The following CENPP variants were observed in gnomAD, a reference collection of about 807,000 sequenced individuals.
The protein encoded by CENPP is centromere protein P.
In CENPP, 24 loss-of-function variants were observed where a neutral mutation model predicts 35.6. The ratio of observed to expected loss-of-function variants is 0.67; its 90% CI spans 0.49 to 0.95. The LOEUF (loss-of-function observed/expected upper bound fraction) is 0.95. Among genes scored for constraint, CENPP ranks in the 40% least tolerant of loss-of-function variants. CENPP has a pLI of 0.00. For missense variants in CENPP, 332 were observed against 345.3 expected (o/e 0.96, Z 0.31); for synonymous variants, 120 against 125.5 (o/e 0.96, Z 0.29).
intron 5 of CENPP, among the ~76,000 whole-genome samples, chr9:92,547,755 T>C (rs1288462996): frequency 2.6e-5 from 4 of 152,228 alleles, no homozygotes; most frequent in Non-Finnish European, 5.9e-5. Context: ...ACTAGGAATA[T>C]ACTAAAAACC....
chr9:92,365,199 G>A (rs1255649213), intron 4 of CENPP, among the ~76,000 whole-genome samples: 1 of 152,064 alleles, frequency 6.6e-6, no homozygotes, highest in Admixed American at 6.6e-5. Context: ...GATAAGTGGT[G>A]GGGAGAAAAT....
intron 5 of CENPP, among the ~76,000 whole-genome samples, chr9:92,609,213 T>TGGTGCTGCGATGCACCC (rs1437333714): frequency 9.9e-5 from 15 of 152,258 alleles, no homozygotes; most frequent in Non-Finnish European, 2.2e-4. Context: ...CAGGTGCAGC[T>TGGTGCTGCGATGCACCC]GGTGCTGCGA....
chr9:92,492,204 G>C (rs1225885269), intron 5 of CENPP, among the ~76,000 whole-genome samples: 1 of 152,090 alleles, frequency 6.6e-6, no homozygotes, highest in Non-Finnish European at 1.5e-5. Context: ...CAAAAATTTG[G>C]GGTTTTATCC....
intron 5 of CENPP, among the ~76,000 whole-genome samples, chr9:92,603,462 G>A (rs184401483): frequency 2.6e-5 from 4 of 152,248 alleles, no homozygotes; most frequent in South Asian, 2.1e-4. Context: ...AGTCTTGTGC[G>A]TGGAGAGCAG....
chr9:92,578,212 G>T (rs1283330551), intron 5 of CENPP, among the ~76,000 whole-genome samples: 1 of 151,980 alleles, frequency 6.6e-6, no homozygotes, highest in Non-Finnish European at 1.5e-5. Context: ...TTGGGCATTT[G>T]GGTTGGTTCC....
At chr9:92,568,875 A>C (rs990549359) in intron 5 of CENPP, among the ~76,000 whole-genome samples, 2 of 152,256 alleles carry the variant, frequency 1.3e-5, no homozygotes, top group Non-Finnish European at 2.9e-5. Context: ...TGGCTGCATA[A>C]ATGTCTTCTT....
chr9:92,355,977 A>T (rs900858653), intron 4 of CENPP, among the ~76,000 whole-genome samples: 1 of 152,260 alleles, frequency 6.6e-6, no homozygotes, highest in African/African-American at 2.4e-5. Context: ...CTACAGAAAT[A>T]TTAAAATTGA....
chr9:92,470,731 G>A (rs1845480005), intron 5 of CENPP: 1 of 1,598,672 alleles, frequency 6.3e-7, no homozygotes, highest in African/African-American at 1.3e-5. Flanking sequence ...TTGTTTTGAA[G>A]ATCAAGCATT....
chr9:92,488,314 A>T (rs1409304788), intron 5 of CENPP, among the ~76,000 whole-genome samples: 1 of 152,226 alleles, frequency 6.6e-6, no homozygotes, highest in Non-Finnish European at 1.5e-5. Flanking sequence ...GCCTTAAATT[A>T]ACTTTAACTC....
chr9:92,562,972 A>C (rs1028721851), intron 5 of CENPP, among the ~76,000 whole-genome samples: 1 of 152,126 alleles, frequency 6.6e-6, no homozygotes, highest in Non-Finnish European at 1.5e-5. Context: ...TTCCATTAGA[A>C]TCTTTTAGTG....
intron 4 of CENPP, among the ~76,000 whole-genome samples, chr9:92,371,254 A>T (rs1414523135): frequency 6.6e-6 from 1 of 152,188 alleles, no homozygotes; most frequent in African/African-American, 2.4e-5. Flanking sequence ...TTATTGCTAT[A>T]AATTTCCCTC....
At chr9:92,561,825 A>C (rs1165597514) in intron 5 of CENPP, among the ~76,000 whole-genome samples, 1 of 152,216 alleles carries the variant, frequency 6.6e-6, no homozygotes, top group African/African-American at 2.4e-5. Context: ...ATGAATGAGC[A>C]CCTACTGGCT....
intron 4 of CENPP, among the ~76,000 whole-genome samples, chr9:92,372,097 A>ATTTTTTT (rs1392019986): frequency 1.8e-5 from 1 of 54,354 alleles, no homozygotes; most frequent in Non-Finnish European, 3.1e-5. Flanking sequence ...CATGCCAGCC[A>ATTTTTTT]TCTTTTTTTT....
At chr9:92,455,371 C>G (rs958937861) in intron 5 of CENPP, among the ~76,000 whole-genome samples, 6 of 152,016 alleles carry the variant, frequency 3.9e-5, no homozygotes, top group African/African-American at 7.2e-5. Context: ...GCCTGGGCAA[C>G]AGAGCAAGAC....
At chr9:92,442,711 T>G (rs1234681672) in intron 5 of CENPP, among the ~76,000 whole-genome samples, 1 of 151,352 alleles carries the variant, frequency 6.6e-6, no homozygotes, top group Non-Finnish European at 1.5e-5. Flanking sequence ...TAGCCAGGCG[T>G]GGTGGTGGGT....
intron 5 of CENPP, among the ~76,000 whole-genome samples, chr9:92,437,415 TG>T (rs1216407748): frequency 4.6e-5 from 7 of 151,362 alleles, no homozygotes; most frequent in Admixed American, 1.3e-4. Flanking sequence ...TTTTTTGTTT[TG>T]TTTTTTTTTT....
chr9:92,341,130 G>A (rs943693848), intron 3 of CENPP, among the ~76,000 whole-genome samples: 7 of 152,054 alleles, frequency 4.6e-5, no homozygotes, highest in Non-Finnish European at 7.4e-5. Flanking sequence ...CTCCCATAGC[G>A]CTCCCAGGCT....
rs1251149622 is a variant in CENPP at position 92,593,949 on chromosome 9, A to G, written c.565-17365A>G. Among the ~76,000 whole-genome samples, 1 of 152,174 alleles carries G rather than the reference A, an allele frequency of 6.6e-6. No individual in the cohort carries two copies. Among genetic ancestry groups the G allele is most frequent in the Non-Finnish European group, 1.5e-5 (1 of 68,032 alleles). ...ATGATATCCTGGATGGGAATCCTGG[A>G]ACAGAAGGACATTAAGGCAAAACTG... On this transcript the variant is annotated intron_variant, in intron 5 of 7. Transcript: ENST00000375587. This position sits in a 1 kb window ranked among gnomAD's most constrained non-coding sequence, Gnocchi z 4.1.
At chr9:92,426,574 G>A (rs996256274) in intron 5 of CENPP, among the ~76,000 whole-genome samples, 1 of 152,136 alleles carries the variant, frequency 6.6e-6, no homozygotes, top group African/African-American at 2.4e-5. Flanking sequence ...ATAATGCAAG[G>A]TAAAGGGATA....
Sources: gnomAD v4.1 joint callset for allele counts (sites outside exome capture counted in the v4.1 genomes callset) on GRCh38, gnomAD v4.1.1 for gene constraint, Gnocchi (gnomAD v3.1) non-coding constraint, MANE v1.5 for transcripts, NCBI Gene and HGNC (gene_info 2026-07-23, HGNC 2026-07-21) for gene names.